Variants in KCNE1 observed in about 807,000 individuals in gnomAD.
KCNE1 encodes the protein potassium voltage-gated channel subfamily E member 1.
In KCNE1, 1 loss-of-function variant was observed where a neutral mutation model predicts 2.9. That is an observed-to-expected ratio of 0.34 (90% confidence interval 0.12 to 1.62). The LOEUF is 1.62. Among genes scored for constraint, KCNE1 ranks in the 40% most tolerant of loss-of-function variants. The pLI is 0.36. For synonymous variants in KCNE1, 23 were observed against 65.4 expected, an observed-to-expected ratio of 0.35 and a Z score of 3.13; for missense variants, 45 against 150.5, an observed-to-expected ratio of 0.30 and a Z score of 3.67.
At chr21:34,499,271 C>T (rs956374712) in intron 2 of KCNE1, among the ~76,000 whole-genome samples, 6 of 152,228 alleles carry the variant, frequency 3.9e-5, no homozygotes, top group East Asian at 1.9e-4. Flanking sequence ...TATCTCTGGG[C>T]AGCTTATGCT....
chr21:34,500,280 A>G (rs979898514), intron 2 of KCNE1, among the ~76,000 whole-genome samples: 5 of 152,224 alleles, frequency 3.3e-5, no homozygotes, highest in Admixed American at 2.6e-4. Context: ...CAAAATGATA[A>G]TAATAGCTTT....
At chr21:34,507,702 G>A (rs1021190932) in intron 2 of KCNE1, among the ~76,000 whole-genome samples, 4 of 152,100 alleles carry the variant, frequency 2.6e-5, no homozygotes, top group East Asian at 1.9e-4. Flanking sequence ...TGCTTTAAAC[G>A]GTCCCCTGCA....
At chr21:34,511,609 G>A (rs922884287) in intron 1 of KCNE1, among the ~76,000 whole-genome samples, 2 of 152,198 alleles carry the variant, frequency 1.3e-5, no homozygotes, top group Non-Finnish European at 2.9e-5. Flanking sequence ...AATTATGTAC[G>A]GTGTGGTTTT....
intron 2 of KCNE1, among the ~76,000 whole-genome samples, chr21:34,496,088 T>C (rs1328046640): frequency 6.6e-6 from 1 of 151,522 alleles, no homozygotes; most frequent in African/African-American, 2.4e-5. Context: ...TTTTTTTTTC[T>C]TTTTTAGATG....
At chr21:34,504,676 C>G (rs546034613) in intron 2 of KCNE1, among the ~76,000 whole-genome samples, 5 of 152,314 alleles carry the variant, frequency 3.3e-5, no homozygotes, top group Admixed American at 3.3e-4. Context: ...GATGAATGAA[C>G]TGACACAATG....
At chr21:34,500,749 G>A (rs986550717) in intron 2 of KCNE1, among the ~76,000 whole-genome samples, 7 of 152,000 alleles carry the variant, frequency 4.6e-5, no homozygotes, top group African/African-American at 1.7e-4. Context: ...GTCTGTATTT[G>A]GCCTTTTCTA....
At chr21:34,453,890 C>A (rs1274037061) in intron 3 of KCNE1, among the ~76,000 whole-genome samples, 1 of 88,940 alleles carries the variant, frequency 1.1e-5, no homozygotes, top group African/African-American at 4.9e-5. Flanking sequence ...GCCTGGGTGA[C>A]ACAGCGAGAC....
At chr21:34,509,926 C>G in intron 2 of KCNE1, 1 of 152,210 alleles carries the variant, frequency 6.6e-6, no homozygotes, top group Non-Finnish European at 1.5e-5. Context: ...CCTCCACTCT[C>G]AAGTAGCCAC....
At chr21:34,505,652 CA>C (rs1983439179) in intron 2 of KCNE1, among the ~76,000 whole-genome samples, 1 of 152,218 alleles carries the variant, frequency 6.6e-6, no homozygotes, top group South Asian at 2.1e-4. Context: ...AGGCTGCAAA[CA>C]AATGTCCTCT....
intron 2 of KCNE1, among the ~76,000 whole-genome samples, chr21:34,495,891 G>A (rs113436632): frequency 1.3e-5 from 2 of 151,954 alleles, no homozygotes; most frequent in African/African-American, 4.8e-5. Flanking sequence ...GTTCTGCTAT[G>A]ATCTTTGTTA....
chr21:34,450,253 C>T lies in KCNE1; in HGVS notation c.-50-569G>A, dbSNP rs1189411389. Among the ~76,000 whole-genome samples, 14 of 51,188 alleles carry T rather than the reference C, an allele frequency of 2.7e-4. 4 individuals are homozygous for T. Among genetic ancestry groups the T allele is most frequent in the Admixed American group, 1.5e-3 (9 of 6,076 alleles). 33.6% of individuals were successfully genotyped at this position (51,188 alleles called of 152,430 possible). A position where few individuals can be genotyped will look rare whatever the true frequency, so the allele number is the denominator to read the frequency against. ...TATGGACCTAAAAAAAATCACGCATCTCATACAACTAGTTCCTGGCAGCTT... is the reference window on the plus strand; with the variant it reads ...TATGGACCTAAAAAAAATCACGCATTTCATACAACTAGTTCCTGGCAGCTT... On this transcript the variant is annotated intron_variant, in intron 3 of 3. Transcript: ENST00000399286.
At chr21:34,506,307 T>C (rs187146032) in intron 2 of KCNE1, among the ~76,000 whole-genome samples, 1 of 152,328 alleles carries the variant, frequency 6.6e-6, no homozygotes, top group Non-Finnish European at 1.5e-5. Flanking sequence ...GGTTTCTTGC[T>C]TCAGCTTAAC....
intron 2 of KCNE1, among the ~76,000 whole-genome samples, chr21:34,500,155 TTA>T (rs1983078178): frequency 6.6e-6 from 1 of 152,208 alleles, no homozygotes; most frequent in Non-Finnish European, 1.5e-5. Flanking sequence ...TCAAAGGAAA[TTA>T]TGTTTCCTAA....
chr21:34,496,077 T>A (rs1439042872), intron 2 of KCNE1, among the ~76,000 whole-genome samples: 1 of 128,764 alleles, frequency 7.8e-6, no homozygotes, highest in Non-Finnish European at 1.7e-5. Flanking sequence ...GCTCAAATAC[T>A]TTTTTTTTTC....
chr21:34,500,242 C>T (rs1276574951), intron 2 of KCNE1, among the ~76,000 whole-genome samples: 1 of 152,108 alleles, frequency 6.6e-6, no homozygotes, highest in African/African-American at 2.4e-5. Context: ...CTTTCTTGTT[C>T]TATCCAAAAA....
chr21:34,508,594 C>T (rs965865334), intron 2 of KCNE1, among the ~76,000 whole-genome samples: 7 of 152,212 alleles, frequency 4.6e-5, no homozygotes, highest in African/African-American at 1.2e-4. Context: ...CCACCCTCCT[C>T]GGCCTCCCAA....
chr21:34,511,805 C>A (rs928809948), intron 1 of KCNE1, among the ~76,000 whole-genome samples: 3 of 152,210 alleles, frequency 2.0e-5, no homozygotes, highest in African/African-American at 7.2e-5. Context: ...ACGCTGCCCT[C>A]ATTTTAGGAG....
chr21:34,501,985 A>G (rs2123515000), intron 2 of KCNE1, among the ~76,000 whole-genome samples: 1 of 152,324 alleles, frequency 6.6e-6, no homozygotes, highest in East Asian at 1.9e-4. Context: ...GTCACCAACC[A>G]GTGGGTGGGG....
At chr21:34,504,898 G>A (rs375151144) in intron 2 of KCNE1, among the ~76,000 whole-genome samples, 176 of 152,304 alleles carry the variant, frequency 1.2e-3, no homozygotes, top group African/African-American at 3.9e-3. Flanking sequence ...CTCAGCTTGC[G>A]AGGTGGGGGC....
Sources: allele counts gnomAD v4.1 joint callset (sites outside exome capture counted in the v4.1 genomes callset), GRCh38; gene constraint gnomAD v4.1.1; transcripts MANE v1.5; gene names NCBI Gene and HGNC (gene_info 2026-07-23, HGNC 2026-07-21).